The following NCKAP5 variants were observed in gnomAD, a reference collection of about 807,000 sequenced individuals.
NCKAP5 encodes nck-associated protein 5.
NCKAP5 carries 92 observed loss-of-function variants against 167.0 expected under a neutral mutation model. The observed-to-expected ratio is 0.55, with a 90% CI of 0.47 to 0.66. NCKAP5 has a LOEUF of 0.66. Among genes scored for constraint, NCKAP5 ranks in the 30% least tolerant of loss-of-function variants. The pLI, the probability that NCKAP5 is intolerant of heterozygous loss-of-function variation, is 0.00. For missense variants in NCKAP5, 2,378 were observed against 2,315.0 expected, an observed-to-expected ratio of 1.03 and a Z score of -0.56; for synonymous variants, 891 against 877.4, an observed-to-expected ratio of 1.02 and a Z score of -0.27.
the NCKAP5 span, among the ~76,000 whole-genome samples, chr2:133,583,652 A>G: frequency 6.6e-6 from 1 of 152,262 alleles, no homozygotes; most frequent in African/African-American, 2.4e-5. Flanking sequence ...GTTCTTCCAT[A>G]AGATAAACTA....
chr2:133,014,079 C>G (rs553901101), intron 6 of NCKAP5, among the ~76,000 whole-genome samples: 10 of 152,194 alleles, frequency 6.6e-5, no homozygotes, highest in African/African-American at 2.4e-4. Context: ...CACCCAATAG[C>G]AGGTCCATCT....
the NCKAP5 span, among the ~76,000 whole-genome samples, chr2:133,615,144 A>G: frequency 6.6e-6 from 1 of 151,952 alleles, no homozygotes; most frequent in Non-Finnish European, 1.5e-5. Context: ...GAGCTCCTGA[A>G]GGAAGCTCTA....
At chr2:133,232,649 G>A (rs1372434966) in intron 4 of NCKAP5, among the ~76,000 whole-genome samples, 2 of 152,088 alleles carry the variant, frequency 1.3e-5, no homozygotes, top group Non-Finnish European at 2.9e-5. Context: ...AGGAAGAAAG[G>A]AAGGAAATTC....
At chr2:133,479,691 G>T (rs1680254644) in intron 3 of NCKAP5, among the ~76,000 whole-genome samples, 1 of 152,126 alleles carries the variant, frequency 6.6e-6, no homozygotes, top group Admixed American at 6.5e-5. Flanking sequence ...CAAATTTAGT[G>T]AAAATCAGTT....
At chr2:132,739,323 T>A (rs143582311) in intron 16 of NCKAP5, among the ~76,000 whole-genome samples, 1 of 152,186 alleles carries the variant, frequency 6.6e-6, no homozygotes, top group Non-Finnish European at 1.5e-5. Context: ...AAAGAGATTA[T>A]TATAGGCCAG....
chr2:133,347,190 G>A (rs1684035990), intron 3 of NCKAP5, among the ~76,000 whole-genome samples: 2 of 152,044 alleles, frequency 1.3e-5, no homozygotes, highest in Admixed American at 6.5e-5. Flanking sequence ...ATTCTTTTTG[G>A]TGCTTTTCTC....
chr2:133,012,909 T>C (rs1388920804), intron 6 of NCKAP5, among the ~76,000 whole-genome samples: 3 of 152,170 alleles, frequency 2.0e-5, no homozygotes, highest in Non-Finnish European at 1.5e-5. Context: ...CACCTTGCTC[T>C]CAGCACATCT....
At position 132,997,940 on chromosome 2, in the gene NCKAP5, AT is replaced by A. The variant is rs371691786; in HGVS notation, c.342-3702del. Among the ~76,000 whole-genome samples the A allele has an allele frequency of 7.3e-3, 1,113 of 152,320 alleles. 11 individuals are homozygous for A. The highest frequency in any genetic ancestry group is 0.025 in the African/African-American group (1,034 of 41,574). On this transcript the variant is annotated intron_variant, in intron 6 of 19. Transcript: ENST00000409261. ...GATTTTCCATCATGTTTGCCGAACT[AT>A]CATAAACAAGGAAGTAATGACAATG...
At chr2:133,214,364 T>A (rs1360590718) in intron 4 of NCKAP5, among the ~76,000 whole-genome samples, 1 of 152,110 alleles carries the variant, frequency 6.6e-6, no homozygotes, top group Admixed American at 6.5e-5. Flanking sequence ...ATACACTGAG[T>A]CCTCAGCTGG....
intron 6 of NCKAP5, among the ~76,000 whole-genome samples, chr2:133,084,704 C>T (rs942691417): frequency 1.3e-5 from 2 of 152,122 alleles, no homozygotes; most frequent in East Asian, 1.9e-4. Flanking sequence ...TCAAGCTTTC[C>T]ACTACTGAAA....
At chr2:133,497,801 C>T (rs1011496272) in intron 3 of NCKAP5, among the ~76,000 whole-genome samples, 3 of 152,164 alleles carry the variant, frequency 2.0e-5, no homozygotes, top group African/African-American at 7.2e-5. Flanking sequence ...AGAAGGCAAA[C>T]AAGAAGTTCA....
intron 6 of NCKAP5, among the ~76,000 whole-genome samples, chr2:133,114,532 T>C (rs769267234): frequency 2.0e-5 from 3 of 152,212 alleles, no homozygotes; most frequent in Non-Finnish European, 4.4e-5. Context: ...CTATATCAAA[T>C]ATTCAGGGAG....
At chr2:133,658,498 C>T in the NCKAP5 span, among the ~76,000 whole-genome samples, 1 of 152,100 alleles carries the variant, frequency 6.6e-6, no homozygotes, top group African/African-American at 2.4e-5. Context: ...GAAAGATTGG[C>T]CCCCCTGCTG....
At chr2:133,365,320 A>G (rs1181450251) in intron 3 of NCKAP5, among the ~76,000 whole-genome samples, 1 of 152,166 alleles carries the variant, frequency 6.6e-6, no homozygotes, top group Admixed American at 6.5e-5. Context: ...GGCGAAGCAC[A>G]TTGTCTGATA....
chr2:133,395,682 G>A (rs564725746), intron 3 of NCKAP5, among the ~76,000 whole-genome samples: 22 of 152,124 alleles, frequency 1.4e-4, no homozygotes, highest in South Asian at 6.2e-4. Context: ...GTTTCTCTCC[G>A]TTGCCCAGGC....
chr2:132,763,652 A>G (rs1017506549), intron 16 of NCKAP5, among the ~76,000 whole-genome samples: 5 of 152,236 alleles, frequency 3.3e-5, no homozygotes, highest in African/African-American at 9.6e-5. Flanking sequence ...CTTAAACTTC[A>G]CTGTATTACT....
At chr2:133,074,058 G>T (rs1228724536) in intron 6 of NCKAP5, among the ~76,000 whole-genome samples, 3 of 152,100 alleles carry the variant, frequency 2.0e-5, no homozygotes, top group Non-Finnish European at 4.4e-5. Flanking sequence ...CATTTTTTCT[G>T]TGTGTAAAAC....
intron 11 of NCKAP5, among the ~76,000 whole-genome samples, chr2:132,849,856 C>G (rs900960045): frequency 3.9e-5 from 6 of 152,138 alleles, no homozygotes; most frequent in African/African-American, 1.4e-4. Context: ...ACTGAGGGCA[C>G]ATTTCTCATG....
chr2:132,851,811 C>G (rs1413688061), intron 11 of NCKAP5, among the ~76,000 whole-genome samples: 1 of 152,152 alleles, frequency 6.6e-6, no homozygotes, highest in Non-Finnish European at 1.5e-5. Flanking sequence ...AAGCTGCTCC[C>G]AAGTGTTTCA....
Sources: gnomAD v4.1 joint callset for allele counts (sites outside exome capture counted in the v4.1 genomes callset) on GRCh38, gnomAD v4.1.1 for gene constraint, MANE v1.5 for transcripts, NCBI Gene and HGNC (gene_info 2026-07-23, HGNC 2026-07-21) for gene names.